The following WWOX variants were observed in gnomAD, a reference collection of about 807,000 sequenced individuals.
The protein encoded by WWOX is WW domain containing oxidoreductase.
In WWOX, 69 loss-of-function variants were observed where a neutral mutation model predicts 46.2. That is an observed-to-expected ratio of 1.49 (90% CI 1.23 to 1.82). WWOX has a LOEUF of 1.82. Ranked by LOEUF, WWOX falls within the 40% of genes most tolerant of loss-of-function variation. The probability of loss-of-function intolerance (pLI) is 0.00; values close to 1 mark genes in which losing one functional copy is unlikely to be tolerated. For synonymous variants in WWOX, 359 were observed against 202.6 expected, an observed-to-expected ratio of 1.77 and a Z score of -6.56; for missense variants, 919 against 542.6, an observed-to-expected ratio of 1.69 and a Z score of -6.89.
At chr16:78,618,476 T>C (rs1285734349) in intron 8 of WWOX, among the ~76,000 whole-genome samples, 1 of 152,194 alleles carries the variant, frequency 6.6e-6, no homozygotes, top group Non-Finnish European at 1.5e-5. Context: ...TGCATCCTTA[T>C]GGCCTCTTCT....
intron 8 of WWOX, among the ~76,000 whole-genome samples, chr16:78,718,336 G>A (rs574981922): frequency 6.6e-6 from 1 of 151,792 alleles, no homozygotes; most frequent in East Asian, 1.9e-4. Context: ...TTATTGTGGT[G>A]CCAAAAAAAT....
chr16:78,614,650 A>T (rs2045978688), intron 8 of WWOX, among the ~76,000 whole-genome samples: 1 of 152,172 alleles, frequency 6.6e-6, no homozygotes, highest in Non-Finnish European at 1.5e-5. Flanking sequence ...CACCCCCTCC[A>T]CCTTAGTCCA....
chr16:78,222,243 C>G (rs1315113756), intron 5 of WWOX, among the ~76,000 whole-genome samples: 1 of 151,886 alleles, frequency 6.6e-6, no homozygotes, highest in Non-Finnish European at 1.5e-5. Context: ...TTGAGGGAGG[C>G]CAAGTGTTTT....
At chr16:78,994,969 C>CTTTTTTTTTTTTTTTTTT (rs869088414) in intron 8 of WWOX, among the ~76,000 whole-genome samples, 18 of 114,644 alleles carry the variant, frequency 1.6e-4, no homozygotes, top group Non-Finnish European at 2.4e-4. Flanking sequence ...TCTTCTTCTT[C>CTTTTTTTTTTTTTTTTTT]TTTTTTTTTT....
At chr16:78,964,348 G>A (rs2046326875) in intron 8 of WWOX, among the ~76,000 whole-genome samples, 1 of 152,174 alleles carries the variant, frequency 6.6e-6, no homozygotes, top group Non-Finnish European at 1.5e-5. Context: ...GGTCTCAGAT[G>A]GAGATGAGGA....
chr16:78,546,744 T>A (rs1221648775), intron 8 of WWOX, among the ~76,000 whole-genome samples: 1 of 152,100 alleles, frequency 6.6e-6, no homozygotes, highest in Non-Finnish European at 1.5e-5. Context: ...AACCACACTT[T>A]GAGAAAGCTC....
chr16:78,687,338 G>C (rs970450160), intron 8 of WWOX, among the ~76,000 whole-genome samples: 1 of 152,152 alleles, frequency 6.6e-6, no homozygotes, highest in Non-Finnish European at 1.5e-5. Flanking sequence ...TTAAAGCATT[G>C]TACCTATCGA....
chr16:79,065,177 G>A (rs183603396), intron 8 of WWOX, among the ~76,000 whole-genome samples: 2 of 152,228 alleles, frequency 1.3e-5, no homozygotes, highest in Admixed American at 6.5e-5. Flanking sequence ...CAAAGGCTTC[G>A]GAAGCTTCCT....
chr16:78,310,596 G>T (rs1052553678), intron 5 of WWOX, among the ~76,000 whole-genome samples: 1 of 152,192 alleles, frequency 6.6e-6, no homozygotes, highest in Non-Finnish European at 1.5e-5. Context: ...GCATGCAAAG[G>T]GTGCGGGCCA....
At chr16:78,866,654 T>A (rs1278576415) in intron 8 of WWOX, among the ~76,000 whole-genome samples, 1 of 152,220 alleles carries the variant, frequency 6.6e-6, no homozygotes, top group Middle Eastern at 3.2e-3. Flanking sequence ...GGTGTTTTTG[T>A]TGCCCTGGCT....
chr16:78,285,184 A>T (rs901516078), intron 5 of WWOX, among the ~76,000 whole-genome samples: 1 of 152,144 alleles, frequency 6.6e-6, no homozygotes, highest in East Asian at 1.9e-4. Flanking sequence ...CTATAATCCC[A>T]GAACTTTGGG....
At chr16:78,393,038 G>C (rs2082209963) in intron 6 of WWOX, among the ~76,000 whole-genome samples, 1 of 152,130 alleles carries the variant, frequency 6.6e-6, no homozygotes, top group Admixed American at 6.5e-5. Flanking sequence ...CCAAACCAAA[G>C]CCTGTGGTAA....
intron 8 of WWOX, among the ~76,000 whole-genome samples, chr16:78,437,324 A>T (rs1387767942): frequency 6.6e-6 from 1 of 152,206 alleles, no homozygotes; most frequent in Non-Finnish European, 1.5e-5. Context: ...TCTTTAAGGA[A>T]TATTGTTGCA....
At chr16:79,125,289 C>G (rs1313557805) in intron 8 of WWOX, among the ~76,000 whole-genome samples, 2 of 152,142 alleles carry the variant, frequency 1.3e-5, no homozygotes, top group African/African-American at 4.8e-5. Flanking sequence ...ATCTTCCAAA[C>G]CTCCGTAATT....
chr16:78,575,938 TA>T (rs1379894852), intron 8 of WWOX, among the ~76,000 whole-genome samples: 2 of 151,056 alleles, frequency 1.3e-5, no homozygotes, highest in African/African-American at 5.0e-5. Context: ...AAAGAGAGAT[TA>T]AATTTTACCC....
chr16:78,625,773 G>C (rs1199142524), intron 8 of WWOX, among the ~76,000 whole-genome samples: 1 of 127,202 alleles, frequency 7.9e-6, no homozygotes, highest in Non-Finnish European at 1.6e-5. Context: ...TACTTTTGCA[G>C]TTTTTGCCAG....
intron 8 of WWOX, among the ~76,000 whole-genome samples, chr16:78,942,574 C>T (rs2045873535): frequency 6.6e-6 from 1 of 150,976 alleles, no homozygotes; most frequent in Non-Finnish European, 1.5e-5. Flanking sequence ...TACATTATTT[C>T]AGACAATCAA....
chr16:78,676,792 C>G (rs576380176), intron 8 of WWOX, among the ~76,000 whole-genome samples: 1 of 152,244 alleles, frequency 6.6e-6, no homozygotes, highest in Admixed American at 6.5e-5. Context: ...TTTGCTCATT[C>G]TTTGAATACT....
intron 6 of WWOX, among the ~76,000 whole-genome samples, chr16:78,399,044 G>C (rs1235959286): frequency 6.8e-6 from 1 of 147,252 alleles, no homozygotes; most frequent in Non-Finnish European, 1.5e-5. Flanking sequence ...AGATGGAACA[G>C]GTAAGTATAA....
Sources: gnomAD v4.1 joint callset for allele counts (sites outside exome capture counted in the v4.1 genomes callset) on GRCh38, gnomAD v4.1.1 for gene constraint, MANE v1.5 for transcripts, NCBI Gene and HGNC (gene_info 2026-07-23, HGNC 2026-07-21) for gene names.